Variants in CEP15 observed in about 807,000 individuals in gnomAD.
The protein encoded by CEP15 is centrosomal protein 15 kDa.
the CEP15 span, chr3:62,320,574 G>C: frequency 6.9e-7 from 1 of 1,444,448 alleles, no homozygotes; most frequent in Non-Finnish European, 9.7e-7. Flanking sequence ...GACTGGCTTT[G>C]TTAGTGAAAT....
the CEP15 span, chr3:62,323,971 T>G: frequency 6.6e-6 from 1 of 152,218 alleles, no homozygotes; most frequent in Non-Finnish European, 1.5e-5. Context: ...CCTCTTCTCT[T>G]TTTTTGCATT....
the CEP15 span, among the ~76,000 whole-genome samples, chr3:62,332,274 C>T: frequency 5.9e-5 from 9 of 152,256 alleles, no homozygotes; most frequent in South Asian, 1.7e-3. Context: ...TAGTCTTTCA[C>T]AGCAGGATGA....
the CEP15 span, chr3:62,320,459 G>C: frequency 1.2e-6 from 2 of 1,609,420 alleles, no homozygotes; most frequent in Admixed American, 3.3e-5. Flanking sequence ...CTTTATGACA[G>C]CTTTGATTAA....
At chr3:62,320,347 TTTCTTTTCTC>T in the CEP15 span, 1 of 685,470 alleles carries the variant, frequency 1.5e-6, no homozygotes, top group South Asian at 2.2e-5. Flanking sequence ...CATCTTAAGT[TTTCTTTTCTC>T]TTCTGAGAGA....
the CEP15 span, among the ~76,000 whole-genome samples, chr3:62,321,741 G>C: frequency 1.3e-5 from 2 of 152,104 alleles, no homozygotes; most frequent in African/African-American, 4.8e-5. The surrounding 1 kb of genome is among the most constrained non-coding windows in gnomAD (Gnocchi z 4.1). Context: ...ATTTTAACCA[G>C]ATTGACTTAA....
At chr3:62,330,004 CT>C in the CEP15 span, among the ~76,000 whole-genome samples, 1 of 152,180 alleles carries the variant, frequency 6.6e-6, no homozygotes, top group Admixed American at 6.5e-5. Flanking sequence ...TAGCTATTAA[CT>C]TCCGGTATGG....
At chr3:62,322,054 G>A in the CEP15 span, 2 of 1,601,824 alleles carry the variant, frequency 1.2e-6, no homozygotes, top group Non-Finnish European at 1.7e-6. This position sits in a 1 kb window ranked among gnomAD's most constrained non-coding sequence, Gnocchi z 5.5. Flanking sequence ...TCTTTTAAAG[G>A]TAAGTTTCCA....
At chr3:62,326,103 C>G in the CEP15 span, among the ~76,000 whole-genome samples, 1 of 151,674 alleles carries the variant, frequency 6.6e-6, no homozygotes, top group Non-Finnish European at 1.5e-5. Context: ...ACAAACACTC[C>G]GGGGTGAGAA....
At chr3:62,332,339 A>G in the CEP15 span, among the ~76,000 whole-genome samples, 1 of 152,268 alleles carries the variant, frequency 6.6e-6, no homozygotes. Flanking sequence ...GGATATATAG[A>G]CATATAGAAT....
At chr3:62,324,352 A>G in the CEP15 span, among the ~76,000 whole-genome samples, 3 of 152,100 alleles carry the variant, frequency 2.0e-5, no homozygotes, top group African/African-American at 7.2e-5. Context: ...ATGATCATGC[A>G]CTGCAGTCAC....
chr3:62,333,874 T>G, the CEP15 span: 3 of 152,264 alleles, frequency 2.0e-5, no homozygotes, highest in Non-Finnish European at 2.9e-5. This position sits in a 1 kb window ranked among gnomAD's most constrained non-coding sequence, Gnocchi z 4.0. Flanking sequence ...AAATAACTTA[T>G]GAGAAAATAA....
the CEP15 span, among the ~76,000 whole-genome samples, chr3:62,327,360 A>T: frequency 6.6e-6 from 1 of 152,238 alleles, no homozygotes; most frequent in African/African-American, 2.4e-5. Flanking sequence ...AAATGTTTCT[A>T]TCAAAAATTC....
At chr3:62,321,147 A>G in the CEP15 span, among the ~76,000 whole-genome samples, 27 of 152,174 alleles carry the variant, frequency 1.8e-4, 4 homozygotes, top group Admixed American at 1.4e-3. This position sits in a 1 kb window ranked among gnomAD's most constrained non-coding sequence, Gnocchi z 4.1. Flanking sequence ...CTCCACAACT[A>G]TTTGGGAAAC....
chr3:62,323,165 G>C, the CEP15 span, among the ~76,000 whole-genome samples: 1 of 152,162 alleles, frequency 6.6e-6, no homozygotes, highest in Non-Finnish European at 1.5e-5. Context: ...TTACTATTGA[G>C]CTAGTTCTGG....
chr3:62,321,910 A>AATC, the CEP15 span: 1 of 1,556,060 alleles, frequency 6.4e-7, no homozygotes, highest in Non-Finnish European at 8.7e-7. The surrounding 1 kb of genome is among the most constrained non-coding windows in gnomAD (Gnocchi z 4.1). Flanking sequence ...AACTCTATAT[A>AATC]ATCTTCGTTT....
the CEP15 span, chr3:62,321,907 T>C: frequency 1.3e-6 from 2 of 1,551,768 alleles, no homozygotes; most frequent in Non-Finnish European, 1.7e-6. The surrounding 1 kb of genome is among the most constrained non-coding windows in gnomAD (Gnocchi z 4.1). Flanking sequence ...TTTAACTCTA[T>C]ATAATCTTCG....
chr3:62,331,308 G>A, the CEP15 span: 2 of 1,610,084 alleles, frequency 1.2e-6, no homozygotes, highest in East Asian at 2.2e-5. Context: ...AATATAAAAT[G>A]CCGATATCTG....
the CEP15 span, chr3:62,322,207 A>T: frequency 9.6e-6 from 7 of 728,066 alleles, no homozygotes; most frequent in Non-Finnish European, 1.6e-5. This position sits in a 1 kb window ranked among gnomAD's most constrained non-coding sequence, Gnocchi z 5.5. Context: ...TGTCAGTTAG[A>T]TAAGTAGCAT....
chr3:62,325,218 TG>T, the CEP15 span, among the ~76,000 whole-genome samples: 2 of 152,172 alleles, frequency 1.3e-5, no homozygotes, highest in African/African-American at 4.8e-5. Context: ...GGAAGACTAT[TG>T]TTTTTTTAAA....
Sources: allele counts gnomAD v4.1 joint callset (sites outside exome capture counted in the v4.1 genomes callset), GRCh38; gene constraint gnomAD v4.1.1; non-coding constraint Gnocchi (gnomAD v3.1); transcripts MANE v1.5; gene names NCBI Gene and HGNC (gene_info 2026-07-23, HGNC 2026-07-21).